CTBS: variants seen among roughly 807,000 people sequenced by gnomAD.
The protein encoded by CTBS is chitobiase, also known as di-N-acetylchitobiase.
A neutral mutation model predicts 44.3 loss-of-function variants in CTBS; 35 were observed. The observed-to-expected ratio is 0.79, with a 90% CI of 0.60 to 1.05. The LOEUF (loss-of-function observed/expected upper bound fraction) is 1.05, where lower values mean the gene tolerates loss of function less well. Among genes scored for constraint, CTBS ranks in the 50% least tolerant of loss-of-function variants. CTBS has a pLI of 0.00. For missense variants in CTBS, 458 were observed against 475.3 expected (o/e 0.96, Z 0.34); for synonymous variants, 143 against 168.0 (o/e 0.85, Z 1.15).
In CTBS at chr1:84,563,831, T is replaced by G; in HGVS notation, c.699A>C (p.Gly233=). The change falls in exon 5 of 7, where the codon GGA becomes GGC. Residue 233 remains glycine, a splice_region_variant and synonymous_variant. Coordinates refer to ENST00000370630, the MANE Select transcript of CTBS (RefSeq NM_004388.3). ...TGCTCATCTTGATGTAGTCATTATA[T>G]CCTAGTCAAGCAGGAGAGAAAAAGC... ...ANAPYNQTLT[G]YNDYIKMSIN... 6.2e-7 allele frequency: 1 copy of G among 1,602,390 alleles called. No individual in the cohort carries two copies. Among genetic ancestry groups the G allele is most frequent in the Non-Finnish European group, 8.5e-7 (1 of 1,174,302 alleles).
At chr1:84,563,908 T>C (rs1684641206) in intron 4 of CTBS, 76 bp from the exon 5 acceptor site, 8 of 1,440,340 alleles carry the variant, frequency 5.6e-6, no homozygotes, top group Non-Finnish European at 6.4e-6. Context: ...ATGCAACCGT[T>C]CAGAATCTGT....
At chr1:84,556,442 G>T (rs1684431014) in intron 6 of CTBS, among the ~76,000 whole-genome samples, 1 of 152,112 alleles carries the variant, frequency 6.6e-6, no homozygotes, top group Non-Finnish European at 1.5e-5. Context: ...GCCGGGCACG[G>T]TGTCTCAGGC....
In CTBS at chr1:84,563,774, A is replaced by G; in HGVS notation, c.756T>C (p.Pro252=). Residue 252 remains proline, a synonymous_variant, in exon 5 of 7, where the codon CCT becomes CCC. Transcript: ENST00000370630. ...GGCAGGTATAATCATAACCATACCAAGGAACACCCATTACAAGTTTCTTAG... is the reference window on the plus strand; with the variant it reads ...GGCAGGTATAATCATAACCATACCAGGGAACACCCATTACAAGTTTCTTAG... ...INPKKLVMGV[P]WYGYDYTCLN... 6.2e-7 allele frequency: 1 copy of G among 1,609,140 alleles called. No homozygotes were observed. Among genetic ancestry groups the G allele is most frequent in the East Asian group, 2.2e-5 (1 of 44,552 alleles).
chr1:84,565,669 A>C (rs1213869465), intron 4 of CTBS, among the ~76,000 whole-genome samples, 172 bp downstream of exon 4: 1 of 152,200 alleles, frequency 6.6e-6, no homozygotes, highest in Admixed American at 6.5e-5. Context: ...CAAAACTTTA[A>C]AACTTTTTGT....
rs1558634785 is a variant in CTBS, at chr1:84,574,339, GCC to G, written c.75_76del (p.Leu27AlafsTer20). ...CCGCAGCGCCAGCAGCGCCAGCAGC[GCC>G]AGCAGCGCTAGACCCGGGACGCCGC... On this transcript the variant is annotated frameshift_variant, in exon 1 of 7. Coordinates refer to ENST00000370630, the MANE Select transcript of CTBS (RefSeq NM_004388.3). LOFTEE classifies it high-confidence loss of function. 1.9e-6 allele frequency: 3 copies of G among 1,573,252 alleles called. No homozygotes were observed. The highest frequency in any genetic ancestry group is 2.6e-6 in the Non-Finnish European group (3 of 1,160,132).
intron 1 of CTBS, among the ~76,000 whole-genome samples, chr1:84,572,389 T>C (rs1172828972): frequency 6.6e-6 from 1 of 151,794 alleles, no homozygotes; most frequent in Admixed American, 6.6e-5. Flanking sequence ...TAATTAAGAT[T>C]CTATTTGTTT....
At chr1:84,560,077 C>CT (rs1257484530) in intron 6 of CTBS, among the ~76,000 whole-genome samples, 2 of 103,736 alleles carry the variant, frequency 1.9e-5, no homozygotes, top group African/African-American at 8.2e-5. Context: ...GAGCAAGACT[C>CT]TGTCTCAAAA....
In CTBS at chr1:84,574,439, G is replaced by GTGGGTTCCTACCGCC; in HGVS notation, c.-25_-24insGGCGGTAGGAACCCA. On this transcript the variant is annotated 5_prime_UTR_variant, in exon 1 of 7. Transcript: ENST00000370630. ...ATAGCAGCAGGTCTAGCGGGCCGGA[G>GTGGGTTCCTACCGCC]TGGGTTCCTACCGCCTGGGTGGGCG... is the stretch of plus-strand genomic sequence containing the variant. 1 of 1,498,908 alleles carries GTGGGTTCCTACCGCC rather than the reference G, an allele frequency of 6.7e-7. No individual in the cohort carries two copies. Among genetic ancestry groups the GTGGGTTCCTACCGCC allele is most frequent in the Non-Finnish European group, 8.9e-7 (1 of 1,126,800 alleles). 92.9% of individuals were successfully genotyped at this position (1,498,908 alleles called of 1,614,324 possible).
At chr1:84,563,937 T>A in intron 4 of CTBS, 105 bp from the exon 5 acceptor site, 1 of 1,307,264 alleles carries the variant, frequency 7.6e-7, no homozygotes, top group South Asian at 2.4e-5. Context: ...ACAAGTACAT[T>A]TATAAAAAAC....
intron 1 of CTBS, among the ~76,000 whole-genome samples, chr1:84,572,831 A>G (rs2102033447): frequency 6.6e-6 from 1 of 152,110 alleles, no homozygotes; most frequent in Non-Finnish European, 1.5e-5. Flanking sequence ...TGTGCCCGCC[A>G]CCACGCCCAG....
intron 1 of CTBS, among the ~76,000 whole-genome samples, chr1:84,571,819 A>G (rs1647312323): frequency 6.6e-6 from 1 of 152,214 alleles, no homozygotes; most frequent in African/African-American, 2.4e-5. Flanking sequence ...AGGACTACAC[A>G]CTTTCGGAGT....
At chr1:84,564,868 TA>T (rs936937826) in intron 4 of CTBS, among the ~76,000 whole-genome samples, 1 of 149,084 alleles carries the variant, frequency 6.7e-6, no homozygotes, top group Non-Finnish European at 1.5e-5. Flanking sequence ...TCCATCTCCT[TA>T]AAAAAAAAAT....
rs1014902146 is a variant in CTBS at position 84,551,767 on chromosome 1, A to G, written c.*3232T>C. On this transcript the variant is annotated 3_prime_UTR_variant, in exon 7 of 7. Coordinates refer to ENST00000370630, the MANE Select transcript of CTBS (RefSeq NM_004388.3). ...ATGCACTCAAAAAATAATTTGTTCAATGAAGGAAAACTGTCTATTCAATAT... is the reference window on the plus strand; with the variant it reads ...ATGCACTCAAAAAATAATTTGTTCAGTGAAGGAAAACTGTCTATTCAATAT... The G allele has an allele frequency of 6.6e-6, 1 of 152,160 alleles. No individual in the cohort carries two copies. Among genetic ancestry groups the G allele is most frequent in the African/African-American group, 2.4e-5 (1 of 41,444 alleles). The allele number at this position is 152,160 out of a possible 1,614,324, so 9.4% of individuals were successfully genotyped here.
Position 84,563,335 on chromosome 1 carries a change from C to G in CTBS, c.879G>C (p.Thr293=), listed in dbSNP as rs1055940606. Residue 293 remains threonine, a synonymous_variant, in exon 6 of 7, where the codon ACG becomes ACC. Transcript: ENST00000370630. ...TAGAACTATTTATTTGCTTCATGATCGTTTTGTAGGGCACCTGACGTCCTG... is the reference window on the plus strand; with the variant it reads ...TAGAACTATTTATTTGCTTCATGATGGTTTTGTAGGGCACCTGACGTCCTG... ...DAAGRQVPYK[T]IMKQINSSIS... 1 of 1,598,622 alleles carries G rather than the reference C, an allele frequency of 6.3e-7. No homozygotes were observed. The highest frequency in any genetic ancestry group is 1.7e-5 in the Admixed American group (1 of 57,392).
At chr1:84,566,407 T>C (rs1433155965) in intron 3 of CTBS, among the ~76,000 whole-genome samples, 2 of 152,172 alleles carry the variant, frequency 1.3e-5, no homozygotes, top group Non-Finnish European at 2.9e-5. Context: ...CAAAAGTTTT[T>C]AAAATATTGT....
chr1:84,573,485 A>G (rs2102033863), intron 1 of CTBS, among the ~76,000 whole-genome samples: 1 of 152,332 alleles, frequency 6.6e-6, no homozygotes, highest in Non-Finnish European at 1.5e-5. Flanking sequence ...AGTCATGTAT[A>G]TATACTTTTT....
Position 84,574,305 on chromosome 1 carries a change from G to GGCCGCGA in CTBS, c.104_110dup (p.Gly38ArgfsTer12). On this transcript the variant is annotated frameshift_variant, in exon 1 of 7. Coordinates refer to ENST00000370630, the MANE Select transcript of CTBS (RefSeq NM_004388.3). LOFTEE classifies it high-confidence loss of function. The stretch of plus-strand genomic sequence containing the variant: ...GCTCCGGGCATGGGCAGTCGGTCCC[G>GGCCGCGA]GCCGCGAGCCGCAGCGCCAGCAGCG... 6.4e-7 allele frequency: 1 copy of GGCCGCGA among 1,558,912 alleles called. No homozygotes were observed.
intron 4 of CTBS, 74 bp from the exon 5 acceptor site, chr1:84,563,906 G>A (rs964005147): frequency 8.3e-5 from 120 of 1,442,276 alleles, no homozygotes; most frequent in African/African-American, 2.3e-4. Context: ...CTATGCAACC[G>A]TTCAGAATCT....
rs1408163093 is a variant in CTBS at position 84,565,891 on chromosome 1, C to G, written c.647G>C (p.Trp216Ser). The stretch of plus-strand genomic sequence containing the variant: ...ATTGGCTGCTGCAATACATTCTGAC[C>G]AGATCTGACTTTGTTCATCATAAGA... Reference protein sequence around the residue: ...VMSYDEQSQIWSECIAAANAP... With the variant: ...VMSYDEQSQISSECIAAANAP... Residue 216 changes from tryptophan to serine, a missense_variant, in exon 4 of 7, where the codon TGG (tryptophan) becomes TCG (serine). By Grantham distance (177) the Trp-to-Ser change is radical (BLOSUM62 -3). Coordinates refer to ENST00000370630, the MANE Select transcript of CTBS (RefSeq NM_004388.3). The G allele has an allele frequency of 6.3e-7, 1 of 1,588,356 alleles. No homozygotes were observed. The highest frequency in any genetic ancestry group is 1.8e-5 in the Admixed American group (1 of 56,300).
Sources: gnomAD v4.1 joint callset for allele counts (sites outside exome capture counted in the v4.1 genomes callset) on GRCh38, gnomAD v4.1.1 for gene constraint, MANE v1.5 for transcripts, NCBI Gene and HGNC (gene_info 2026-07-23, HGNC 2026-07-21) for gene names.